NKAIN2: variants seen among roughly 807,000 people sequenced by gnomAD.
The protein encoded by NKAIN2 is sodium/potassium transporting ATPase interacting 2, also known as sodium/potassium-transporting ATPase subunit beta-1-interacting protein 2.
Under a neutral mutation model 32.6 loss-of-function variants are expected in NKAIN2, and 14 were observed. The ratio of observed to expected loss-of-function variants is 0.43; its 90% CI spans 0.28 to 0.67. NKAIN2 has a LOEUF of 0.67. NKAIN2 is among the 30% of genes least tolerant of loss of function. NKAIN2 has a pLI of 0.17. For synonymous variants in NKAIN2, 80 were observed against 87.2 expected, an observed-to-expected ratio of 0.92 and a Z score of 0.46; for missense variants, 198 against 258.3, an observed-to-expected ratio of 0.77 and a Z score of 1.60.
intron 3 of NKAIN2, among the ~76,000 whole-genome samples, chr6:124,557,980 C>T (rs1780538750): frequency 6.6e-6 from 1 of 152,178 alleles, no homozygotes; most frequent in Admixed American, 6.5e-5. Context: ...GACCTAGTAA[C>T]CCATGTATTA....
chr6:124,697,570 A>G (rs766225242), intron 4 of NKAIN2, among the ~76,000 whole-genome samples: 12 of 152,190 alleles, frequency 7.9e-5, no homozygotes, highest in African/African-American at 2.7e-4. Flanking sequence ...TGTATAAGCT[A>G]TGCTTTTATA....
chr6:124,425,171 A>G (rs1194407700), intron 3 of NKAIN2, among the ~76,000 whole-genome samples: 1 of 152,202 alleles, frequency 6.6e-6, no homozygotes, highest in Non-Finnish European at 1.5e-5. Flanking sequence ...AGATAAAGTC[A>G]TAAGTGTTTA....
intron 1 of NKAIN2, among the ~76,000 whole-genome samples, chr6:123,833,319 C>T (rs764302375): frequency 6.6e-6 from 1 of 152,040 alleles, no homozygotes; most frequent in African/African-American, 2.4e-5. Flanking sequence ...TAGGCAATAC[C>T]ATATTTTTTT....
At chr6:124,156,973 C>A (rs1275625936) in intron 1 of NKAIN2, among the ~76,000 whole-genome samples, 2 of 151,292 alleles carry the variant, frequency 1.3e-5, no homozygotes, top group South Asian at 2.1e-4. Flanking sequence ...TGTGGTGGTG[C>A]ACATCTGTAG....
At chr6:124,273,301 AGTT>A (rs1794884281) in intron 1 of NKAIN2, among the ~76,000 whole-genome samples, 2 of 76,314 alleles carry the variant, frequency 2.6e-5, no homozygotes, top group African/African-American at 1.6e-4. Context: ...TTCTCATGAT[AGTT>A]AGTGAGTTCT....
At chr6:124,572,866 A>G (rs1031741330) in intron 3 of NKAIN2, among the ~76,000 whole-genome samples, 3 of 152,082 alleles carry the variant, frequency 2.0e-5, no homozygotes, top group African/African-American at 7.2e-5. Context: ...TTTGAGATGG[A>G]GTCTTGCTCT....
chr6:124,121,376 T>G (rs1161606500), intron 1 of NKAIN2, among the ~76,000 whole-genome samples: 1 of 152,034 alleles, frequency 6.6e-6, no homozygotes, highest in Non-Finnish European at 1.5e-5. Flanking sequence ...TAATTGATGA[T>G]TATACTATGT....
At chr6:124,210,208 A>G (rs535463783) in intron 1 of NKAIN2, among the ~76,000 whole-genome samples, 1 of 151,886 alleles carries the variant, frequency 6.6e-6, no homozygotes, top group African/African-American at 2.4e-5. Context: ...TGAAGAGATT[A>G]TCCTTTCCCC....
chr6:124,461,068 G>A (rs554295971), intron 3 of NKAIN2, among the ~76,000 whole-genome samples: 39 of 151,812 alleles, frequency 2.6e-4, no homozygotes, highest in African/African-American at 9.2e-4. Context: ...AGTTCAGTCT[G>A]CCATTATTTT....
chr6:124,482,275 T>C (rs1777484654), intron 3 of NKAIN2, among the ~76,000 whole-genome samples: 1 of 152,202 alleles, frequency 6.6e-6, no homozygotes, highest in Non-Finnish European at 1.5e-5. Flanking sequence ...TGGCACCTTA[T>C]AATAAACTTT....
chr6:123,825,379 A>T (rs1774104486), intron 1 of NKAIN2, among the ~76,000 whole-genome samples: 1 of 152,180 alleles, frequency 6.6e-6, no homozygotes, highest in Admixed American at 6.6e-5. Context: ...TTTCTAGCTT[A>T]AGTTGTTGAT....
chr6:124,133,265 C>G (rs1316593321), intron 1 of NKAIN2, among the ~76,000 whole-genome samples: 42 of 152,150 alleles, frequency 2.8e-4, no homozygotes, highest in Non-Finnish European at 1.5e-5. Context: ...CACCGTTCCT[C>G]CCTACTTGGG....
intron 3 of NKAIN2, among the ~76,000 whole-genome samples, chr6:124,372,852 G>C (rs1317055909): frequency 6.6e-6 from 1 of 152,074 alleles, no homozygotes; most frequent in Non-Finnish European, 1.5e-5. Context: ...AACATTCTGG[G>C]TTGATCCTCA....
intron 4 of NKAIN2, among the ~76,000 whole-genome samples, chr6:124,735,222 T>C (rs1334922858): frequency 6.6e-6 from 1 of 151,948 alleles, no homozygotes; most frequent in Non-Finnish European, 1.5e-5. Context: ...CTCTCTCACC[T>C]CTGTAGGCTT....
At chr6:124,107,815 G>A (rs924558148) in intron 1 of NKAIN2, among the ~76,000 whole-genome samples, 19 of 152,052 alleles carry the variant, frequency 1.2e-4, no homozygotes, top group African/African-American at 4.3e-4. Flanking sequence ...ATTTCACCCT[G>A]CGTAAGGTGT....
chr6:124,411,662 G>A (rs635533), intron 3 of NKAIN2, among the ~76,000 whole-genome samples: 23,285 of 151,292 alleles, frequency 0.15, 1,456 homozygotes, highest in East Asian at 0.23. Flanking sequence ...TATGTGTCTT[G>A]GCGTTGCTCT....
At chr6:124,604,582 A>G (rs1197698600) in intron 3 of NKAIN2, among the ~76,000 whole-genome samples, 2 of 151,616 alleles carry the variant, frequency 1.3e-5, no homozygotes, top group African/African-American at 2.4e-5. Context: ...ATTCTTCCTC[A>G]TTATCTCCAC....
At chr6:123,849,072 G>A (rs1775207693) in intron 1 of NKAIN2, among the ~76,000 whole-genome samples, 1 of 152,070 alleles carries the variant, frequency 6.6e-6, no homozygotes, top group African/African-American at 2.4e-5. Flanking sequence ...GGAGATTTTG[G>A]CAACCAGATT....
chr6:124,679,407 C>A (rs1473581629), intron 4 of NKAIN2, among the ~76,000 whole-genome samples: 1 of 152,062 alleles, frequency 6.6e-6, no homozygotes, highest in African/African-American at 2.4e-5. Flanking sequence ...GTATGAATGT[C>A]GGACATATTT....
Sources: gnomAD v4.1 joint callset for allele counts (sites outside exome capture counted in the v4.1 genomes callset) on GRCh38, gnomAD v4.1.1 for gene constraint, MANE v1.5 for transcripts, NCBI Gene and HGNC (gene_info 2026-07-23, HGNC 2026-07-21) for gene names.